The following AKAP6 variants were observed in gnomAD, a reference collection of about 807,000 sequenced individuals.
AKAP6 encodes the protein A-kinase anchoring protein 6.
AKAP6 carries 58 observed loss-of-function variants against 188.5 expected under a neutral mutation model. That is an observed-to-expected ratio of 0.31 (90% CI 0.25 to 0.38). AKAP6 has a LOEUF of 0.38. Among genes scored for constraint, AKAP6 ranks in the 10% least tolerant of loss-of-function variants. AKAP6 has a pLI of 1.00. For synonymous variants in AKAP6, 989 were observed against 998.6 expected (o/e 0.99, Z 0.18); for missense variants, 2,710 against 2,740.0 (o/e 0.99, Z 0.24).
intron 2 of AKAP6, among the ~76,000 whole-genome samples, chr14:32,456,777 C>T (rs543096694): frequency 2.3e-4 from 35 of 152,200 alleles, no homozygotes; most frequent in South Asian, 2.1e-4. Flanking sequence ...TCTTAATGGA[C>T]GTGCTGTTTC....
chr14:32,424,903 T>C (rs1484720362), intron 1 of AKAP6, among the ~76,000 whole-genome samples: 2 of 152,246 alleles, frequency 1.3e-5, no homozygotes, highest in South Asian at 2.1e-4. Context: ...CAGTCTATCA[T>C]TGATGGGCAT....
chr14:32,383,386 T>C (rs1444213764), intron 1 of AKAP6, among the ~76,000 whole-genome samples: 1 of 152,102 alleles, frequency 6.6e-6, no homozygotes, highest in Non-Finnish European at 1.5e-5. Context: ...TCTGAAAAAG[T>C]GGGTGAATTA....
At chr14:32,705,260 A>G (rs1404078930) in intron 9 of AKAP6, among the ~76,000 whole-genome samples, 1 of 152,204 alleles carries the variant, frequency 6.6e-6, no homozygotes, top group Non-Finnish European at 1.5e-5. Context: ...ACTCTACTGA[A>G]TGCAGATATT....
At position 32,433,654 on chromosome 14, in the gene AKAP6, A is replaced by T. The variant is rs757919920; in HGVS notation, c.161A>T (p.Lys54Met). ...ATGGACTCTGACCAGCAGTATGAAA[A>T]GCCACCCCCACTACACACAGGGGCT... Reference protein sequence around the residue: ...KDMDSDQQYEKPPPLHTGADW... With the variant: ...KDMDSDQQYEMPPPLHTGADW... Residue 54 changes from lysine to methionine, a missense_variant, in exon 2 of 14, where the codon AAG becomes ATG. Physicochemically the swap from Lys to Met is moderately conservative, Grantham distance 95. This residue lies in a region of AKAP6 where 237 missense variants were observed against 313.9 expected (regional missense o/e 0.76). Transcript: ENST00000280979. The T allele has an allele frequency of 1.2e-6, 2 of 1,614,164 alleles. No individual in the cohort carries two copies. Among genetic ancestry groups the T allele is most frequent in the South Asian group, 2.2e-5 (2 of 91,086 alleles).
chr14:32,374,092 T>C (rs971565759), intron 1 of AKAP6, among the ~76,000 whole-genome samples: 33 of 152,322 alleles, frequency 2.2e-4, no homozygotes, highest in Non-Finnish European at 2.4e-4. Flanking sequence ...GCGTAAGGAA[T>C]AGCATACTTC....
In AKAP6 at chr14:32,822,031, T is replaced by C. The variant is rs1169762061; in HGVS notation, c.4218T>C (p.Val1406=). 3 of 1,613,958 alleles carry C rather than the reference T, an allele frequency of 1.9e-6. No homozygotes were observed. The South Asian group carries it at 3.3e-5, about 18-fold the overall frequency. ...TGGACCCACAAATGGGAGATGCAGT[T>C]AACGTGTTAAAGCAAAAATTTACAG... ...EHLDPQMGDA[V]NVLKQKFTDE... The change falls in exon 13 of 14, where the codon GTT becomes GTC. Residue 1406 remains valine, a synonymous_variant. Transcript: ENST00000280979.
intron 1 of AKAP6, among the ~76,000 whole-genome samples, chr14:32,400,616 A>G (rs2138613730): frequency 6.8e-6 from 1 of 146,408 alleles, no homozygotes; most frequent in East Asian, 2.1e-4. Context: ...ATGCTAGTCA[A>G]AAGTGACTCA....
chr14:32,466,847 T>TATATATATATATA (rs1555331133), intron 2 of AKAP6, among the ~76,000 whole-genome samples: 1 of 77,842 alleles, frequency 1.3e-5, no homozygotes, highest in South Asian at 3.9e-4. Flanking sequence ...ATATATATAT[T>TATATATATATATA]TTCTTTCTTA....
intron 11 of AKAP6, among the ~76,000 whole-genome samples, chr14:32,751,970 T>C (rs1235692856): frequency 6.6e-6 from 1 of 152,202 alleles, no homozygotes; most frequent in Non-Finnish European, 1.5e-5. Flanking sequence ...TTGTTCTGAG[T>C]CTTCAAATTG....
intron 2 of AKAP6, among the ~76,000 whole-genome samples, chr14:32,492,454 T>C (rs954251655): frequency 2.7e-5 from 4 of 149,146 alleles, no homozygotes; most frequent in African/African-American, 4.9e-5. Context: ...TTATGGAAAA[T>C]TATGTTTGTA....
At chr14:32,345,871 A>G (rs975228006) in intron 1 of AKAP6, among the ~76,000 whole-genome samples, 1 of 152,228 alleles carries the variant, frequency 6.6e-6, no homozygotes, top group Admixed American at 6.5e-5. Flanking sequence ...GGAGAAAGGC[A>G]TATTTCCCTC....
rs547775075 is a variant in AKAP6 at position 32,565,316 on chromosome 14, G to A, written c.2347-11804G>A. 1.6e-4 allele frequency among the ~76,000 whole-genome samples: 25 copies of A among 152,148 alleles called. No individual in the cohort carries two copies. The South Asian group carries it at 5.0e-3, about 30-fold the overall frequency. On this transcript the variant is annotated intron_variant, in intron 4 of 13. Transcript: ENST00000280979. Reference sequence around the variant, plus strand: ...TTTTTGTAATGCTTCAAGAAAAACTGGAAAAAATTCTCCTTCTGAATTTTG... The same window carrying A: ...TTTTTGTAATGCTTCAAGAAAAACTAGAAAAAATTCTCCTTCTGAATTTTG...
intron 1 of AKAP6, among the ~76,000 whole-genome samples, chr14:32,350,066 A>C (rs1297283047): frequency 6.6e-6 from 1 of 152,226 alleles, no homozygotes; most frequent in African/African-American, 2.4e-5. Context: ...TTCTTACAGA[A>C]ACTTCCAAAT....
chr14:32,333,888 A>C (rs941913348), intron 1 of AKAP6, among the ~76,000 whole-genome samples: 10 of 152,318 alleles, frequency 6.6e-5, no homozygotes, highest in Admixed American at 2.0e-4. Flanking sequence ...AATTGTCCAG[A>C]GAGCCCTCTA....
At chr14:32,599,601 A>G in intron 6 of AKAP6, 95 bp downstream of exon 6, 1 of 853,018 alleles carries the variant, frequency 1.2e-6, no homozygotes, top group Non-Finnish European at 1.8e-6. Context: ...TCACTTCCTT[A>G]TGTATTATTA....
chr14:32,553,028 G>A (rs1883541155), intron 4 of AKAP6, among the ~76,000 whole-genome samples: 1 of 152,178 alleles, frequency 6.6e-6, no homozygotes, highest in South Asian at 2.1e-4. Context: ...CCCAGTAACT[G>A]CAAGAGAGTG....
chr14:32,732,037 A>G lies in AKAP6; in HGVS notation c.3001-417A>G, dbSNP rs142027870. Among the ~76,000 whole-genome samples, 45 of 152,198 alleles carry G rather than the reference A, an allele frequency of 3.0e-4. 1 individual carries two copies. In the East Asian group the frequency reaches 7.9e-3, roughly 27 times the overall value. On this transcript the variant is annotated intron_variant, in intron 9 of 13. Coordinates refer to ENST00000280979, the MANE Select transcript of AKAP6 (RefSeq NM_004274.5). ...TTAACTGAGAATTCAGATAACTTACATAATCTTTATGAATAATTTTTTTTC... is the reference window on the plus strand; with the variant it reads ...TTAACTGAGAATTCAGATAACTTACGTAATCTTTATGAATAATTTTTTTTC...
intron 5 of AKAP6, among the ~76,000 whole-genome samples, chr14:32,583,834 G>A (rs150712892): frequency 2.6e-5 from 4 of 152,296 alleles, no homozygotes; most frequent in East Asian, 1.9e-4. Context: ...CAGAAAAAGC[G>A]CATTATTAGG....
chr14:32,687,408 CTCTCTCT>C (rs1889973997), intron 8 of AKAP6, among the ~76,000 whole-genome samples: 7 of 44,482 alleles, frequency 1.6e-4, no homozygotes, highest in African/African-American at 6.6e-4. Context: ...CTATCTCTCT[CTCTCTCT>C]CTCTCTCTCT....
Sources: allele counts gnomAD v4.1 joint callset (sites outside exome capture counted in the v4.1 genomes callset), GRCh38; gene constraint gnomAD v4.1.1; regional missense constraint gnomAD v4.1.1; transcripts MANE v1.5; gene names NCBI Gene and HGNC (gene_info 2026-07-23, HGNC 2026-07-21).